Variants in SLC25A3 observed in about 807,000 individuals in gnomAD.
SLC25A3 encodes the protein phosphate transport protein.
In SLC25A3, 14 loss-of-function variants were observed where a neutral mutation model predicts 37.1. That is an observed-to-expected ratio of 0.38 (90% CI 0.25 to 0.59). The LOEUF is 0.59. Ranked by LOEUF, SLC25A3 falls within the 20% of genes least tolerant of loss-of-function variation. The pLI is 0.67. For synonymous variants in SLC25A3, 161 were observed against 168.7 expected (o/e 0.95, Z 0.36); for missense variants, 385 against 458.1 (o/e 0.84, Z 1.46).
At chr12:98,599,844 C>T in intron 5 of SLC25A3, 111 bp from the exon 6 acceptor site, 2 of 1,084,802 alleles carry the variant, frequency 1.8e-6, no homozygotes, top group Non-Finnish European at 2.9e-6. Context: ...ATTTATGCTG[C>T]CATTTGTTAC....
chr12:98,603,883 G>A lies in SLC25A3; in HGVS notation c.*2355G>A, dbSNP rs1251295800. ...CTAGTAAGAAAATTTTAATATGTAT[G>A]TATTGGTGTTCTTTTTACATTTCAT... On this transcript the variant is annotated 3_prime_UTR_variant, in exon 8 of 8. Coordinates refer to ENST00000552981, the MANE Select transcript of SLC25A3 (RefSeq NM_002635.4). 3 of 152,128 alleles carry A rather than the reference G, an allele frequency of 2.0e-5. No individual in the cohort carries two copies. The highest frequency in any genetic ancestry group is 1.9e-4 in the East Asian group (1 of 5,200). 9.4% of individuals were successfully genotyped at this position (152,128 alleles called of 1,614,324 possible). A position where few individuals can be genotyped will look rare whatever the true frequency, so the allele number is the denominator to read the frequency against.
chr12:98,594,452 A>G (rs145191980), intron 2 of SLC25A3: 412 of 666,970 alleles, frequency 6.2e-4, no homozygotes, highest in African/African-American at 5.8e-3. Context: ...AGTACTGGGT[A>G]AACTCTCCTC....
At chr12:98,599,363 T>A (rs1472048709) in intron 5 of SLC25A3, among the ~76,000 whole-genome samples, 1 of 152,224 alleles carries the variant, frequency 6.6e-6, no homozygotes, top group Non-Finnish European at 1.5e-5. Context: ...GTGAACTTCA[T>A]TTTTTAGTAT....
In SLC25A3 at chr12:98,598,516, T is replaced by C. The variant is rs758176520; in HGVS notation, c.460-6T>C. The C allele has an allele frequency of 3.7e-6, 6 of 1,612,110 alleles. No individual in the cohort carries two copies. In the Admixed American group the frequency reaches 6.7e-5, roughly 18 times the overall value. On this transcript the variant is annotated splice_polypyrimidine_tract_variant and splice_region_variant and intron_variant, in intron 4 of 7. Transcript: ENST00000552981. ...TCACATCCCTTCCTTGTGTTTTGGA[T>C]TTTAGGAGAATACTTATCTCTGGCG...
chr12:98,597,043 AGT>A (rs1390042423), intron 3 of SLC25A3, among the ~76,000 whole-genome samples: 1 of 152,194 alleles, frequency 6.6e-6, no homozygotes, highest in African/African-American at 2.4e-5. Flanking sequence ...ACACAAAAAA[AGT>A]AGTAGGAGTT....
At position 98,599,992 on chromosome 12, in the gene SLC25A3, A is replaced by G; in HGVS notation, c.679A>G (p.Ile227Val). 6.2e-7 allele frequency: 1 copy of G among 1,613,982 alleles called. No homozygotes were observed. The highest frequency in any genetic ancestry group is 1.1e-5 in the South Asian group (1 of 91,076). Residue 227 changes from isoleucine (I) to valine (V), a missense_variant, in exon 6 of 8, where the codon ATA (isoleucine) becomes GTA (valine). By Grantham distance (29) the Ile-to-Val change is conservative. Coordinates refer to ENST00000552981, the MANE Select transcript of SLC25A3 (RefSeq NM_002635.4). ...KGVAPLWMRQ[I>V]PYTMMKFACF... is the part of the protein sequence containing the mutation. ...GGTTGCTCCTCTCTGGATGAGACAG[A>G]TACCATACACCATGATGAAGTTCGC...
intron 3 of SLC25A3, 89 bp from the exon 4 acceptor site, chr12:98,597,767 A>G: frequency 6.5e-7 from 1 of 1,545,328 alleles, no homozygotes; most frequent in Non-Finnish European, 8.8e-7. Context: ...GAAATTTATT[A>G]TGGAACCCAA....
In SLC25A3 at chr12:98,603,667, A is replaced by G. The variant is rs1211516983; in HGVS notation, c.*2139A>G. 2.6e-5 allele frequency: 4 copies of G among 152,160 alleles called. No homozygotes were observed. The highest frequency in any genetic ancestry group is 1.3e-4 in the Admixed American group (2 of 15,276). The allele number at this position is 152,160 out of a possible 1,614,324, so 9.4% of individuals were successfully genotyped here. A position where few individuals can be genotyped will look rare whatever the true frequency, so the allele number is the denominator to read the frequency against. On this transcript the variant is annotated 3_prime_UTR_variant, in exon 8 of 8. Transcript: ENST00000552981. ...ATTCAAGTTTTATTTCCTAAGAGTT[A>G]TAATAGGTTTTATTTGTGGGCATTG...
Position 98,598,028 on chromosome 12 carries a change from T to A in SLC25A3, c.452T>A (p.Leu151His). The A allele has an allele frequency of 6.2e-7, 1 of 1,613,440 alleles. No individual in the cohort carries two copies. Among genetic ancestry groups the A allele is most frequent in the Non-Finnish European group, 8.5e-7 (1 of 1,179,368 alleles). Reference protein sequence around the residue: ...EVFKVLYSNMLGEENTYLWRT... With the variant: ...EVFKVLYSNMHGEENTYLWRT... ...TTTAAAGTCTTGTATAGCAATATGC[T>A]TGGAGAGGTATGTAATTAACTTTAA... Residue 151 changes from leucine to histidine, a missense_variant, in exon 4 of 8, where the codon CTT becomes CAT. Physicochemically the swap from Leu to His is moderately conservative, Grantham distance 99 (BLOSUM62 -3). This residue lies in a region of SLC25A3 where 276 missense variants were observed against 367.6 expected (regional missense o/e 0.75). Transcript: ENST00000552981.
At position 98,597,953 on chromosome 12, in the gene SLC25A3, T is replaced by C. The variant is rs2097594372; in HGVS notation, c.377T>C (p.Phe126Ser). 1.2e-6 allele frequency: 2 copies of C among 1,614,206 alleles called. No homozygotes were observed. Among genetic ancestry groups the C allele is most frequent in the African/African-American group, 1.3e-5 (1 of 75,068 alleles). ...RGLAKGWAPT[F>S]LGYSMQGLCK... ...TTGGCTAAAGGATGGGCTCCGACTT[T>C]CCTTGGCTACTCCATGCAGGGACTC... The change falls in exon 4 of 8, where the codon TTC becomes TCC. Residue 126 changes from phenylalanine to serine, a missense_variant. Transcript: ENST00000552981.
At chr12:98,600,887 CATT>C (rs2097597310) in intron 6 of SLC25A3, among the ~76,000 whole-genome samples, 1 of 152,116 alleles carries the variant, frequency 6.6e-6, no homozygotes, top group Non-Finnish European at 1.5e-5. Context: ...CATGGGATGT[CATT>C]ATTAGGCTTG....
At position 98,595,864 on chromosome 12, in the gene SLC25A3, A is replaced by G. The variant is rs1300140253; in HGVS notation, c.279+16A>G. The G allele has an allele frequency of 6.2e-7, 1 of 1,607,034 alleles. No individual in the cohort carries two copies. The highest frequency in any genetic ancestry group is 1.3e-5 in the African/African-American group (1 of 74,912). On this transcript the variant is annotated intron_variant, in intron 3 of 7. Transcript: ENST00000552981. Reference sequence around the variant, plus strand: ...CCGTATGCAGGTTTGTATTGAGATGACAACATTGAAAGTATCTCTCATGTG... The same window carrying G: ...CCGTATGCAGGTTTGTATTGAGATGGCAACATTGAAAGTATCTCTCATGTG...
chr12:98,595,896 C>T (rs2097592608), intron 3 of SLC25A3, 48 bp downstream of exon 3: 1 of 1,522,620 alleles, frequency 6.6e-7, no homozygotes, highest in Non-Finnish European at 9.1e-7. Flanking sequence ...TGTGACTTAA[C>T]TCTAAATAAA....
At chr12:98,595,212 T>C (rs764660703) in intron 2 of SLC25A3, 2 of 559,944 alleles carry the variant, frequency 3.6e-6, no homozygotes, top group Admixed American at 3.1e-5. Context: ...AAAAAATTAA[T>C]ATGGCAGAAT....
rs1427881910 is a variant in SLC25A3, at chr12:98,595,859, A to C, written c.279+11A>C. The C allele has an allele frequency of 6.2e-7, 1 of 1,609,846 alleles. No homozygotes were observed. The highest frequency in any genetic ancestry group is 8.5e-7 in the Non-Finnish European group (1 of 1,176,088). On this transcript the variant is annotated intron_variant, in intron 3 of 7. Transcript: ENST00000552981. Reference sequence around the variant, plus strand: ...AAATGCCGTATGCAGGTTTGTATTGAGATGACAACATTGAAAGTATCTCTC... The same window carrying C: ...AAATGCCGTATGCAGGTTTGTATTGCGATGACAACATTGAAAGTATCTCTC...
Position 98,600,043 on chromosome 12 carries a change from CTGTACA to C in SLC25A3, c.731_736del (p.Leu244_Lys246delinsGln). ...CTGCTTTGAACGTACTGTTGAAGCA[CTGTACA>C]AGTTTGTGGTTCCTAAGCCCCGCAG... On this transcript the variant is annotated inframe_deletion, in exon 6 of 8. Coordinates refer to ENST00000552981, the MANE Select transcript of SLC25A3 (RefSeq NM_002635.4). 1 of 1,614,132 alleles carries C rather than the reference CTGTACA, an allele frequency of 6.2e-7. No individual in the cohort carries two copies.
At chr12:98,595,243 G>T (rs1173718534) in intron 2 of SLC25A3, 30 of 612,678 alleles carry the variant, frequency 4.9e-5, no homozygotes, top group Non-Finnish European at 5.2e-5. Context: ...AATAGTATCA[G>T]ATACAGAACC....
At chr12:98,599,118 A>G (rs1048063187) in intron 5 of SLC25A3, among the ~76,000 whole-genome samples, 20 of 143,778 alleles carry the variant, frequency 1.4e-4, no homozygotes, top group South Asian at 4.5e-4. Flanking sequence ...CTGGAGTGCA[A>G]TGGCACTATC....
At chr12:98,598,740 CTTATT>C in intron 5 of SLC25A3, 37 bp downstream of exon 5, 2 of 1,518,748 alleles carry the variant, frequency 1.3e-6, no homozygotes, top group South Asian at 1.2e-5. Flanking sequence ...TATGAAAGTA[CTTATT>C]TTAAGTGAAC....
Sources: gnomAD v4.1 joint callset for allele counts (sites outside exome capture counted in the v4.1 genomes callset) on GRCh38, gnomAD v4.1.1 for gene constraint, gnomAD v4.1.1 regional missense constraint, MANE v1.5 for transcripts, NCBI Gene and HGNC (gene_info 2026-07-23, HGNC 2026-07-21) for gene names.